The following FRMPD4 variants were observed in gnomAD, a reference collection of about 807,000 sequenced individuals.
FRMPD4 encodes the protein FERM and PDZ domain-containing protein 4.
Under a neutral mutation model 94.1 loss-of-function variants are expected in FRMPD4, and 22 were observed. That is an observed-to-expected ratio of 0.23 (90% CI 0.17 to 0.33). The LOEUF is 0.33. Ranked by LOEUF, FRMPD4 falls within the 10% of genes least tolerant of loss-of-function variation. The pLI is 1.00. For missense variants in FRMPD4, 1,111 were observed against 1,339.9 expected (o/e 0.83, Z 2.67); for synonymous variants, 631 against 548.6 (o/e 1.15, Z -2.10).
At chrX:12,470,307 C>A (rs980827962) in intron 1 of FRMPD4, among the ~76,000 whole-genome samples, 1 of 111,884 alleles carries the variant, frequency 8.9e-6, no homozygotes, top group Non-Finnish European at 1.9e-5. Flanking sequence ...GCTTTCCCCC[C>A]ACTGTAAGAA....
At chrX:12,106,986 G>A (rs2055305155) in intron 3 of FRMPD4, among the ~76,000 whole-genome samples, 2 of 112,059 alleles carry the variant, frequency 1.8e-5, no homozygotes, top group African/African-American at 3.2e-5. Flanking sequence ...GGGCATAGTC[G>A]AACAAAAGGC....
chrX:12,287,451 G>A (rs1229507176), intron 1 of FRMPD4, among the ~76,000 whole-genome samples: 1 of 111,992 alleles, frequency 8.9e-6, no homozygotes, highest in Non-Finnish European at 1.9e-5. Flanking sequence ...AGGCATGGTT[G>A]GAGGCCATTA....
intron 11 of FRMPD4, among the ~76,000 whole-genome samples, chrX:12,704,876 C>A (rs1271271395): frequency 2.7e-5 from 3 of 112,055 alleles, no homozygotes; most frequent in African/African-American, 9.7e-5. Flanking sequence ...GCCCTGCAGG[C>A]CAGAGGCCAC....
At chrX:11,976,888 G>C (rs1427675403) in intron 3 of FRMPD4, among the ~76,000 whole-genome samples, 1 of 111,363 alleles carries the variant, frequency 9.0e-6, no homozygotes, top group East Asian at 2.8e-4. Context: ...CCAACTCTGT[G>C]ATCATTTTCA....
intron 2 of FRMPD4, among the ~76,000 whole-genome samples, chrX:12,563,843 T>C (rs2058683728): frequency 8.9e-6 from 1 of 112,356 alleles, no homozygotes; most frequent in South Asian, 3.7e-4. Context: ...ATGTTAGATA[T>C]CATTAGGGAC....
intron 2 of FRMPD4, among the ~76,000 whole-genome samples, chrX:12,580,207 G>A (rs1329407108): frequency 1.8e-5 from 2 of 112,197 alleles, no homozygotes; most frequent in Non-Finnish European, 3.8e-5. Flanking sequence ...TTGGCCCCAT[G>A]TCCAGTGGCT....
At chrX:12,124,258 A>G (rs1207947038) in intron 3 of FRMPD4, among the ~76,000 whole-genome samples, 1 of 112,458 alleles carries the variant, frequency 8.9e-6, no homozygotes, top group Non-Finnish European at 1.9e-5. Context: ...CATTCTGTAC[A>G]TAATTTACTA....
At chrX:12,690,113 T>TGTA (rs1294631586) in intron 7 of FRMPD4, 82 bp from the exon 8 acceptor site, 1 of 729,444 alleles carries the variant, frequency 1.4e-6, no homozygotes, top group Non-Finnish European at 2.0e-6. Flanking sequence ...AGCCTACATG[T>TGTA]GTAACACTTT....
chrX:12,293,264 C>A (rs1016801706), intron 1 of FRMPD4, among the ~76,000 whole-genome samples: 26 of 112,170 alleles, frequency 2.3e-4, no homozygotes, highest in African/African-American at 8.4e-4. Context: ...AGTCCACTTG[C>A]TGTGTTGCAA....
intron 1 of FRMPD4, among the ~76,000 whole-genome samples, chrX:12,311,231 T>G: frequency 8.9e-6 from 1 of 112,267 alleles, no homozygotes; most frequent in East Asian, 2.8e-4. Context: ...CAGGGCTATC[T>G]GACTTGGCAG....
At chrX:12,524,673 A>C (rs1337626696) in intron 2 of FRMPD4, among the ~76,000 whole-genome samples, 1 of 111,515 alleles carries the variant, frequency 9.0e-6, no homozygotes, top group Non-Finnish European at 1.9e-5. Context: ...TCTGAAATAT[A>C]TAAAGTTGTA....
At chrX:12,496,635 C>T (rs1454270420) in intron 1 of FRMPD4, among the ~76,000 whole-genome samples, 3 of 111,854 alleles carry the variant, frequency 2.7e-5, no homozygotes, top group Admixed American at 1.9e-4. Flanking sequence ...TAGATAAATA[C>T]TTACAAAGGG....
intron 1 of FRMPD4, among the ~76,000 whole-genome samples, chrX:12,217,792 T>C (rs2056824106): frequency 8.9e-6 from 1 of 112,069 alleles, no homozygotes; most frequent in Admixed American, 9.5e-5. Flanking sequence ...TAAGACTGAG[T>C]AGCTGTAAGA....
At chrX:11,960,186 G>A (rs1042461097) in intron 3 of FRMPD4, among the ~76,000 whole-genome samples, 6 of 112,084 alleles carry the variant, frequency 5.4e-5, no homozygotes, top group Non-Finnish European at 1.1e-4. Context: ...CTTGTGGAGC[G>A]GTTAGGATTT....
chrX:12,124,636 A>G (rs1476563924), intron 3 of FRMPD4, among the ~76,000 whole-genome samples: 1 of 112,798 alleles, frequency 8.9e-6, no homozygotes, highest in East Asian at 2.8e-4. Flanking sequence ...TATTTGATTC[A>G]TAACAAAATT....
chrX:11,905,336 C>T (rs2053961583), intron 3 of FRMPD4, among the ~76,000 whole-genome samples: 1 of 111,678 alleles, frequency 9.0e-6, no homozygotes, highest in African/African-American at 3.3e-5. Context: ...AGACAAAATG[C>T]TGAGGATGGC....
chrX:11,845,638 C>T (rs1354303284), intron 1 of FRMPD4, among the ~76,000 whole-genome samples: 2 of 109,616 alleles, frequency 1.8e-5, no homozygotes, highest in Non-Finnish European at 3.8e-5. Context: ...CAATAAAATA[C>T]TGGCAAACCG....
rs34874624 is a variant in FRMPD4 at position 12,294,485 on chromosome X, C to CACACACACACACAG, written c.41+155474_41+155475insCACACACACACAGA. On this transcript the variant is annotated intron_variant, in intron 1 of 16. Coordinates refer to ENST00000675598, the MANE Select transcript of FRMPD4 (RefSeq NM_001368397.1). ...ATAACTGTACACACACACACACACACAGAGAGAGAGAGAGAGAGAGTTTTA... is the reference window on the plus strand; with the variant it reads ...ATAACTGTACACACACACACACACACACACACACACACAGAGAGAGAGAGAGAGAGAGAGTTTTA... 4.3e-3 allele frequency among the ~76,000 whole-genome samples: 399 copies of CACACACACACACAG among 91,939 alleles called. 1 individual carries two copies. Among genetic ancestry groups the CACACACACACACAG allele is most frequent in the Middle Eastern group, 0.033 (6 of 181 alleles). The allele number at this position is 91,939 out of a possible 115,157, so 79.8% of individuals were successfully genotyped here.
intron 1 of FRMPD4, among the ~76,000 whole-genome samples, chrX:12,177,517 G>A (rs2056309778): frequency 8.9e-6 from 1 of 112,245 alleles, no homozygotes; most frequent in Admixed American, 9.4e-5. Context: ...GCTTATATAT[G>A]TACAAACTTT....
Sources: allele counts gnomAD v4.1 joint callset (sites outside exome capture counted in the v4.1 genomes callset), GRCh38; gene constraint gnomAD v4.1.1; transcripts MANE v1.5; gene names NCBI Gene and HGNC (gene_info 2026-07-23, HGNC 2026-07-21).